The following MBOAT1 variants were observed in gnomAD, a reference collection of about 807,000 sequenced individuals.
MBOAT1 encodes the protein membrane-bound glycerophospholipid O-acyltransferase 1.
Under a neutral mutation model 64.4 loss-of-function variants are expected in MBOAT1, and 67 were observed. That is an observed-to-expected ratio of 1.04 (90% confidence interval 0.85 to 1.27). MBOAT1 has a LOEUF of 1.27. MBOAT1 is among the 50% of genes most tolerant of loss of function. The pLI is 0.00. For missense variants in MBOAT1, 563 were observed against 604.6 expected (o/e 0.93, Z 0.72); for synonymous variants, 229 against 218.9 (o/e 1.05, Z -0.41).
chr6:20,202,701 A>C (rs986106214), intron 1 of MBOAT1, among the ~76,000 whole-genome samples: 2 of 152,316 alleles, frequency 1.3e-5, no homozygotes, highest in African/African-American at 4.8e-5. Context: ...CCAAAGAAAT[A>C]GTTATCTTTT....
At chr6:20,152,101 G>A (rs954924413) in intron 2 of MBOAT1, among the ~76,000 whole-genome samples, 4 of 152,034 alleles carry the variant, frequency 2.6e-5, no homozygotes, top group African/African-American at 7.2e-5. Flanking sequence ...CGGATGGATC[G>A]CCTGAGCTCA....
rs994268443 is a variant in MBOAT1, at chr6:20,204,408, G to C, written c.99+7728C>G. Among the ~76,000 whole-genome samples the C allele has an allele frequency of 2.0e-5, 3 of 152,226 alleles. No individual in the cohort carries two copies. The South Asian group carries it at 6.2e-4, about 31-fold the overall frequency. On this transcript the variant is annotated intron_variant, in intron 1 of 12. Coordinates refer to ENST00000324607, the MANE Select transcript of MBOAT1 (RefSeq NM_001080480.3). ...TCCATTTAGCCCACTAGCATACAGC[G>C]CTCAGTAAGTAACTATGGAAAGATG...
chr6:20,210,818 TA>T (rs34167191), intron 1 of MBOAT1, among the ~76,000 whole-genome samples: 2 of 152,026 alleles, frequency 1.3e-5, no homozygotes, highest in African/African-American at 4.8e-5. Flanking sequence ...AAAATGCAAT[TA>T]AAATACCTTC....
intron 4 of MBOAT1, among the ~76,000 whole-genome samples, chr6:20,135,206 C>T (rs796634676): frequency 2.0e-5 from 3 of 152,044 alleles, no homozygotes; most frequent in South Asian, 2.1e-4. Flanking sequence ...TTGTCCTATA[C>T]ATTTTTTTCA....
chr6:20,148,994 G>A (rs1038424756), intron 3 of MBOAT1, among the ~76,000 whole-genome samples: 4 of 151,722 alleles, frequency 2.6e-5, no homozygotes, highest in South Asian at 4.2e-4. Context: ...CCAGCTACTC[G>A]GAAGGCTGAG....
chr6:20,126,253 T>A (rs1301354017), intron 7 of MBOAT1, among the ~76,000 whole-genome samples: 1 of 152,210 alleles, frequency 6.6e-6, no homozygotes, highest in African/African-American at 2.4e-5. Flanking sequence ...AACTCCACAG[T>A]GCTGGACACC....
At chr6:20,177,633 G>T (rs879265287) in intron 1 of MBOAT1, among the ~76,000 whole-genome samples, 14 of 152,176 alleles carry the variant, frequency 9.2e-5, no homozygotes, top group Non-Finnish European at 1.8e-4. Context: ...AATTAGCCAG[G>T]CATGGTGGTG....
rs150698188 is a variant in MBOAT1, at chr6:20,169,699, C to T, written c.100-16930G>A. On this transcript the variant is annotated intron_variant, in intron 1 of 12. Transcript: ENST00000324607. ...GTTTTCAAAACCGGGAAACAAGTTACCAATTATAGGTTTTTAAAAACTTAA... is the reference window on the plus strand; with the variant it reads ...GTTTTCAAAACCGGGAAACAAGTTATCAATTATAGGTTTTTAAAAACTTAA... Among the ~76,000 whole-genome samples, 49 of 152,166 alleles carry T rather than the reference C, an allele frequency of 3.2e-4. 1 individual carries two copies. The highest frequency in any genetic ancestry group is 7.7e-4 in the African/African-American group (32 of 41,520).
At chr6:20,131,039 T>C in intron 5 of MBOAT1, 105 bp downstream of exon 5, 1 of 984,166 alleles carries the variant, frequency 1.0e-6, no homozygotes, top group Admixed American at 2.0e-5. Flanking sequence ...TAAAGCAAGA[T>C]CTGCCAGCAT....
At chr6:20,175,724 G>A (rs758390846) in intron 1 of MBOAT1, among the ~76,000 whole-genome samples, 17 of 150,750 alleles carry the variant, frequency 1.1e-4, no homozygotes, top group Non-Finnish European at 1.6e-4. Flanking sequence ...CACTCGCCTC[G>A]GCCTCCCAAA....
At chr6:20,139,546 CTTTTTTTTTTTTTTT>C (rs70990010) in intron 4 of MBOAT1, among the ~76,000 whole-genome samples, 1 of 69,186 alleles carries the variant, frequency 1.4e-5, no homozygotes, top group Non-Finnish European at 2.6e-5. Context: ...ACATTTTAAC[CTTTTTTTTTTTTTTT>C]TTTTTTTTTT....
chr6:20,177,382 C>T (rs149950066), intron 1 of MBOAT1, among the ~76,000 whole-genome samples: 265 of 152,202 alleles, frequency 1.7e-3, no homozygotes, highest in Admixed American at 3.9e-3. Context: ...TTTGTAGAGA[C>T]GCAGTCTTAC....
At chr6:20,208,788 C>G (rs1188166934) in intron 1 of MBOAT1, among the ~76,000 whole-genome samples, 9 of 152,130 alleles carry the variant, frequency 5.9e-5, no homozygotes, top group Non-Finnish European at 1.2e-4. Flanking sequence ...GTGAAATACC[C>G]CAAAAATGCT....
intron 4 of MBOAT1, among the ~76,000 whole-genome samples, 186 bp from the exon 5 acceptor site, chr6:20,131,385 T>C (rs1019976561): frequency 1.8e-4 from 27 of 152,190 alleles, no homozygotes; most frequent in Admixed American, 1.3e-3. Context: ...TGATAGTGAG[T>C]GAGTTCTCAC....
At chr6:20,164,196 C>CAG (rs1407677727) in intron 1 of MBOAT1, among the ~76,000 whole-genome samples, 1 of 151,312 alleles carries the variant, frequency 6.6e-6, no homozygotes, top group Non-Finnish European at 1.5e-5. Flanking sequence ...CACACACACA[C>CAG]ACACACACAA....
chr6:20,182,229 A>G (rs1762530117), intron 1 of MBOAT1, among the ~76,000 whole-genome samples: 1 of 152,212 alleles, frequency 6.6e-6, no homozygotes, highest in Admixed American at 6.5e-5. Flanking sequence ...TGGGAAGTCC[A>G]AGAGCAAGCA....
intron 7 of MBOAT1, 36 bp downstream of exon 7, chr6:20,126,481 C>A: frequency 6.4e-7 from 1 of 1,551,086 alleles, no homozygotes; most frequent in Admixed American, 2.2e-5. Context: ...TCAACCCTGG[C>A]AGCAAAACCC....
At chr6:20,184,011 C>T (rs961961392) in intron 1 of MBOAT1, among the ~76,000 whole-genome samples, 2 of 152,220 alleles carry the variant, frequency 1.3e-5, no homozygotes, top group Non-Finnish European at 2.9e-5. Flanking sequence ...GACTGGCCCC[C>T]ATGATTCAAT....
At chr6:20,208,015 A>C (rs1313535683) in intron 1 of MBOAT1, among the ~76,000 whole-genome samples, 1 of 152,204 alleles carries the variant, frequency 6.6e-6, no homozygotes, top group Non-Finnish European at 1.5e-5. Flanking sequence ...ATAAATATTT[A>C]ATTGATTTAA....
Sources: allele counts gnomAD v4.1 joint callset (sites outside exome capture counted in the v4.1 genomes callset), GRCh38; gene constraint gnomAD v4.1.1; transcripts MANE v1.5; gene names NCBI Gene and HGNC (gene_info 2026-07-23, HGNC 2026-07-21).